The following RAB3C variants were observed in gnomAD, a reference collection of about 807,000 sequenced individuals.
RAB3C encodes RAB3C, member RAS oncogene family.
RAB3C carries 17 observed loss-of-function variants against 26.4 expected under a neutral mutation model. The ratio of observed to expected loss-of-function variants is 0.64; its 90% CI spans 0.44 to 0.97. RAB3C has a LOEUF of 0.97. Ranked by LOEUF, RAB3C falls within the 50% of genes least tolerant of loss-of-function variation. RAB3C has a pLI of 0.00. For synonymous variants in RAB3C, 91 were observed against 95.9 expected (o/e 0.95, Z 0.30); for missense variants, 242 against 281.9 (o/e 0.86, Z 1.01).
intron 2 of RAB3C, chr5:58,689,425 A>C (rs1369525701): frequency 6.6e-6 from 1 of 152,170 alleles, no homozygotes; most frequent in Non-Finnish European, 1.5e-5. Flanking sequence ...TCTATTTTGT[A>C]ACCAGATAAT....
At chr5:58,849,177 C>A (rs1156839934) in intron 4 of RAB3C, among the ~76,000 whole-genome samples, 1 of 152,078 alleles carries the variant, frequency 6.6e-6, no homozygotes, top group Non-Finnish European at 1.5e-5. Flanking sequence ...AGTGACTTCC[C>A]AAATCATACT....
At chr5:58,727,265 A>G (rs1245674607) in intron 3 of RAB3C, among the ~76,000 whole-genome samples, 1 of 151,788 alleles carries the variant, frequency 6.6e-6, no homozygotes, top group Admixed American at 6.6e-5. Context: ...ATCTAGGAAG[A>G]CTTCTTATTT....
intron 3 of RAB3C, among the ~76,000 whole-genome samples, chr5:58,780,670 C>T (rs1025670655): frequency 8.6e-5 from 13 of 152,036 alleles, no homozygotes; most frequent in African/African-American, 2.9e-4. Context: ...CAGACTGTGG[C>T]TGTGTGATGC....
At position 58,584,757 on chromosome 5, in the gene RAB3C, T is replaced by G. The variant is rs1745976461; in HGVS notation, c.24+1525T>G. 2.0e-5 allele frequency among the ~76,000 whole-genome samples: 3 copies of G among 152,158 alleles called. No individual in the cohort carries two copies. In the South Asian group the frequency reaches 6.2e-4, roughly 31 times the overall value. ...TGAAAAATAAAGTAGATTGTTAATA[T>G]TTAAAGTAAACTATGTATGCACTGA... is the stretch of plus-strand genomic sequence containing the variant. On this transcript the variant is annotated intron_variant, in intron 1 of 4. Coordinates refer to ENST00000282878, the MANE Select transcript of RAB3C (RefSeq NM_138453.4).
chr5:58,607,790 A>G (rs985790427), intron 1 of RAB3C, among the ~76,000 whole-genome samples: 8 of 152,192 alleles, frequency 5.3e-5, no homozygotes, highest in South Asian at 4.1e-4. Flanking sequence ...TTTTCATCCC[A>G]GAATCTCATA....
chr5:58,726,715 A>C (rs919151274), intron 3 of RAB3C, among the ~76,000 whole-genome samples: 1 of 152,032 alleles, frequency 6.6e-6, no homozygotes, highest in Non-Finnish European at 1.5e-5. Context: ...TGAAGGACTG[A>C]GATAAAGGAT....
chr5:58,833,775 C>A (rs1396203052), intron 4 of RAB3C, among the ~76,000 whole-genome samples: 1 of 152,130 alleles, frequency 6.6e-6, no homozygotes, highest in East Asian at 1.9e-4. Context: ...AGTCTTAAAT[C>A]TAAGCAATGC....
chr5:58,736,355 T>C (rs1055443620), intron 3 of RAB3C, among the ~76,000 whole-genome samples: 1 of 152,228 alleles, frequency 6.6e-6, no homozygotes, highest in Non-Finnish European at 1.5e-5. Context: ...AGCATGTAGA[T>C]ATTGAGCGCA....
intron 2 of RAB3C, among the ~76,000 whole-genome samples, chr5:58,626,552 T>C (rs539414643): frequency 2.0e-5 from 3 of 152,332 alleles, no homozygotes; most frequent in South Asian, 4.1e-4. Context: ...GTTCAAATTA[T>C]GGCTGTAAGA....
chr5:58,709,027 G>A (rs558785681), intron 2 of RAB3C, among the ~76,000 whole-genome samples: 62 of 152,090 alleles, frequency 4.1e-4, no homozygotes, highest in African/African-American at 1.4e-3. Flanking sequence ...AATCAATATA[G>A]GTCCTTTCTC....
intron 1 of RAB3C, among the ~76,000 whole-genome samples, chr5:58,614,381 A>G (rs956893452): frequency 3.9e-5 from 6 of 151,956 alleles, no homozygotes; most frequent in South Asian, 2.1e-4. Flanking sequence ...GATTTATTTC[A>G]TTATTCTGAA....
At chr5:58,666,041 A>G (rs1339134811) in intron 2 of RAB3C, among the ~76,000 whole-genome samples, 4 of 152,164 alleles carry the variant, frequency 2.6e-5, no homozygotes, top group Non-Finnish European at 5.9e-5. Context: ...CTGCAAATTC[A>G]TCTGTTTCTG....
In RAB3C at chr5:58,724,751, A is replaced by G. The variant is rs534500565; in HGVS notation, c.253-1251A>G. ...AATCATTAGGACATAAAAGTGGTTT[A>G]AAAGAGGTAGCAACTTATCCTAGAT... On this transcript the variant is annotated intron_variant, in intron 2 of 4. Coordinates refer to ENST00000282878, the MANE Select transcript of RAB3C (RefSeq NM_138453.4). Among the ~76,000 whole-genome samples, 29 of 151,948 alleles carry G rather than the reference A, an allele frequency of 1.9e-4. No homozygotes were observed. In the South Asian group the frequency reaches 5.0e-3, roughly 26 times the overall value.
chr5:58,843,789 T>C (rs1743926985), intron 4 of RAB3C, among the ~76,000 whole-genome samples: 2 of 152,168 alleles, frequency 1.3e-5, no homozygotes, highest in Non-Finnish European at 2.9e-5. Context: ...CATCTAAAAA[T>C]GATATGGCTG....
intron 2 of RAB3C, among the ~76,000 whole-genome samples, chr5:58,706,016 T>G (rs1748935928): frequency 6.6e-6 from 1 of 152,162 alleles, no homozygotes; most frequent in Non-Finnish European, 1.5e-5. Flanking sequence ...TACATCCAGT[T>G]GATGTTTTTC....
intron 2 of RAB3C, among the ~76,000 whole-genome samples, chr5:58,698,398 G>C (rs774795733): frequency 6.6e-6 from 1 of 152,088 alleles, no homozygotes; most frequent in Non-Finnish European, 1.5e-5. Flanking sequence ...TGAAAATTTT[G>C]TGTCTTGGGG....
chr5:58,843,840 C>T (rs112427156), intron 4 of RAB3C, among the ~76,000 whole-genome samples: 3 of 152,140 alleles, frequency 2.0e-5, no homozygotes, highest in African/African-American at 7.2e-5. Flanking sequence ...TAACTAAAAA[C>T]AAAGGAAAAG....
At chr5:58,834,818 CTGTT>C (rs927377103) in intron 4 of RAB3C, among the ~76,000 whole-genome samples, 3 of 152,154 alleles carry the variant, frequency 2.0e-5, no homozygotes, top group African/African-American at 7.2e-5. Flanking sequence ...GAAGGGACTG[CTGTT>C]TGTTTGCCCT....
chr5:58,735,001 TAC>T (rs1741104063), intron 3 of RAB3C, among the ~76,000 whole-genome samples: 1 of 152,222 alleles, frequency 6.6e-6, no homozygotes, highest in African/African-American at 2.4e-5. Context: ...ATTTAATATA[TAC>T]AGTTGATTCA....
Sources: allele counts gnomAD v4.1 joint callset (sites outside exome capture counted in the v4.1 genomes callset), GRCh38; gene constraint gnomAD v4.1.1; transcripts MANE v1.5; gene names NCBI Gene and HGNC (gene_info 2026-07-23, HGNC 2026-07-21).